The following ADGRL2 variants were observed in gnomAD, a reference collection of about 807,000 sequenced individuals.
ADGRL2 encodes the protein adhesion G protein-coupled receptor L2.
ADGRL2 carries 44 observed loss-of-function variants against 157.4 expected under a neutral mutation model. The ratio of observed to expected loss-of-function variants is 0.28; its 90% CI spans 0.22 to 0.36. The LOEUF is 0.36. Among genes scored for constraint, ADGRL2 ranks in the 10% least tolerant of loss-of-function variants. The pLI is 1.00. For synonymous variants in ADGRL2, 585 were observed against 624.7 expected, an observed-to-expected ratio of 0.94 and a Z score of 0.95; for missense variants, 1,510 against 1,768.9, an observed-to-expected ratio of 0.85 and a Z score of 2.63.
At chr1:81,718,328 G>T (rs2084184867) in intron 1 of ADGRL2, among the ~76,000 whole-genome samples, 1 of 152,112 alleles carries the variant, frequency 6.6e-6, no homozygotes, top group Non-Finnish European at 1.5e-5. Flanking sequence ...AGAAAAGATT[G>T]TCCATATTTT....
chr1:81,550,360 A>G (rs953687477), intron 2 of ADGRL2, among the ~76,000 whole-genome samples: 1 of 152,172 alleles, frequency 6.6e-6, no homozygotes, highest in South Asian at 2.1e-4. Context: ...CCAAAGTAAC[A>G]CAGTAAATTT....
intron 2 of ADGRL2, among the ~76,000 whole-genome samples, chr1:81,863,331 G>T (rs2093442436): frequency 6.6e-6 from 1 of 152,146 alleles, no homozygotes; most frequent in Non-Finnish European, 1.5e-5. Context: ...GTTGGAACTT[G>T]GTTGCTTGGT....
chr1:81,657,588 C>A (rs1041208501), intron 3 of ADGRL2, among the ~76,000 whole-genome samples: 18 of 152,276 alleles, frequency 1.2e-4, no homozygotes, highest in Non-Finnish European at 1.5e-4. Context: ...ACAAATCTCA[C>A]TTCTCCTGCC....
intron 1 of ADGRL2, among the ~76,000 whole-genome samples, chr1:81,744,489 C>CTCTGTGT (rs928436371): frequency 2.0e-5 from 3 of 152,130 alleles, no homozygotes; most frequent in African/African-American, 7.2e-5. Flanking sequence ...CCACTACGCC[C>CTCTGTGT]TCTGTGTTCT....
At position 81,823,409 on chromosome 1, in the gene ADGRL2, C is replaced by G. The variant is rs1571447295; in HGVS notation, c.-100-13476C>G. The stretch of plus-strand genomic sequence containing the variant: ...TCCTTCCCTCCCCCTCTTCCTGTCT[C>G]CCTCCTTCCCCCTACCTCTGTCCCT... On this transcript the variant is annotated intron_variant, in intron 1 of 23. Transcript: ENST00000686636. 1.5e-5 allele frequency among the ~76,000 whole-genome samples: 2 copies of G among 134,504 alleles called. 1 individual carries two copies. The highest frequency in any genetic ancestry group is 7.8e-3 in the Middle Eastern group (2 of 256). 88.2% of individuals were successfully genotyped at this position (134,504 alleles called of 152,430 possible).
chr1:81,470,214 T>A (rs2078142861), intron 2 of ADGRL2, among the ~76,000 whole-genome samples: 1 of 152,260 alleles, frequency 6.6e-6, no homozygotes, highest in Non-Finnish European at 1.5e-5. Context: ...ATAACTGTTC[T>A]GTTTTTCTTT....
intron 2 of ADGRL2, among the ~76,000 whole-genome samples, chr1:81,849,187 G>C (rs1349364030): frequency 6.6e-6 from 1 of 151,906 alleles, no homozygotes; most frequent in African/African-American, 2.4e-5. Context: ...TTGACTGATA[G>C]CACTGATTGA....
chr1:81,890,818 T>C (rs1217082847), intron 2 of ADGRL2, among the ~76,000 whole-genome samples: 2 of 152,162 alleles, frequency 1.3e-5, no homozygotes, highest in Non-Finnish European at 2.9e-5. Context: ...TATAGAAATC[T>C]TGATATCTTC....
intron 1 of ADGRL2, among the ~76,000 whole-genome samples, chr1:81,401,427 C>T (rs974519873): frequency 5.9e-4 from 52 of 88,052 alleles, no homozygotes; most frequent in African/African-American, 1.3e-3. Context: ...TTCCCAGCTG[C>T]GGGAAGATGT....
chr1:81,693,076 A>G (rs1570853886), intron 3 of ADGRL2, among the ~76,000 whole-genome samples: 1 of 152,130 alleles, frequency 6.6e-6, no homozygotes. Context: ...TGTGGCTTGT[A>G]TTCTTTTACC....
chr1:81,857,674 G>C (rs1471237736), intron 2 of ADGRL2, among the ~76,000 whole-genome samples: 2 of 152,010 alleles, frequency 1.3e-5, no homozygotes, highest in Admixed American at 1.3e-4. Flanking sequence ...TTTTGTTCTT[G>C]ATCTATAGAG....
intron 3 of ADGRL2, among the ~76,000 whole-genome samples, chr1:81,931,003 G>T (rs189413522): frequency 1.5e-3 from 223 of 152,204 alleles, no homozygotes; most frequent in Non-Finnish European, 2.2e-3. Context: ...ATAAAAATTA[G>T]CCAGGCGGCG....
chr1:81,416,709 C>T (rs1167506805), intron 1 of ADGRL2, among the ~76,000 whole-genome samples: 1 of 152,092 alleles, frequency 6.6e-6, no homozygotes, highest in Non-Finnish European at 1.5e-5. Context: ...TAGAAATTCA[C>T]CAGAAAATAC....
At position 81,444,801 on chromosome 1, in the gene ADGRL2, C is replaced by A. The variant is rs183636574; in HGVS notation, c.-301-235C>A. 1.3e-3 allele frequency among the ~76,000 whole-genome samples: 199 copies of A among 152,290 alleles called. 1 individual carries two copies. The highest frequency in any genetic ancestry group is 0.013 in the East Asian group (66 of 5,186). ...TTCAGTTCCAGGAATCGTTTTAGAT[C>A]TTTTTGCTTTTTTGTCTGAGCTGAT... is the stretch of plus-strand genomic sequence containing the variant. On this transcript the variant is annotated intron_variant, in intron 1 of 24. Transcript: ENST00000370721.
chr1:81,425,668 C>T (rs2077199561), intron 1 of ADGRL2, among the ~76,000 whole-genome samples: 1 of 152,132 alleles, frequency 6.6e-6, no homozygotes, highest in Non-Finnish European at 1.5e-5. Context: ...GAGAACTGAC[C>T]TTGGTTAAAA....
At chr1:81,355,438 T>C (rs1399506645) in intron 1 of ADGRL2, among the ~76,000 whole-genome samples, 2 of 152,150 alleles carry the variant, frequency 1.3e-5, no homozygotes, top group African/African-American at 2.4e-5. Context: ...CAGATACATA[T>C]ACAGATATAT....
At chr1:81,945,427 A>C (rs2148986929) in intron 6 of ADGRL2, among the ~76,000 whole-genome samples, 1 of 152,232 alleles carries the variant, frequency 6.6e-6, no homozygotes, top group Admixed American at 6.5e-5. Flanking sequence ...AAAGAAAGAA[A>C]AAAAATGTTT....
chr1:81,361,849 A>G (rs1372006368), intron 1 of ADGRL2, among the ~76,000 whole-genome samples: 4 of 151,944 alleles, frequency 2.6e-5, no homozygotes, highest in African/African-American at 9.7e-5. Context: ...AAATCTATTC[A>G]GAGACAACCC....
In ADGRL2 at chr1:81,627,609, GA is replaced by G. The variant is rs2081935685; in HGVS notation, c.-143+46632del. 4.6e-5 allele frequency among the ~76,000 whole-genome samples: 7 copies of G among 152,140 alleles called. No homozygotes were observed. In the South Asian group the frequency reaches 1.2e-3, roughly 27 times the overall value. On this transcript the variant is annotated intron_variant, in intron 3 of 24. Transcript: ENST00000370721. ...TTCGCTATGAAGAAGCTGAGGCTCA[GA>G]AAGATTAAATATAATAATTTTTGTA...
Sources: allele counts gnomAD v4.1 joint callset (sites outside exome capture counted in the v4.1 genomes callset), GRCh38; gene constraint gnomAD v4.1.1; transcripts MANE v1.5; gene names NCBI Gene and HGNC (gene_info 2026-07-23, HGNC 2026-07-21).